Variants in AOPEP observed in about 807,000 individuals in gnomAD.
AOPEP encodes aminopeptidase O (putative).
AOPEP carries 77 observed loss-of-function variants against 98.1 expected under a neutral mutation model. The observed-to-expected ratio is 0.78, with a 90% CI of 0.65 to 0.95. The LOEUF is 0.95. AOPEP is among the 40% of genes least tolerant of loss of function. AOPEP has a pLI of 0.00. For synonymous variants in AOPEP, 346 were observed against 365.3 expected (o/e 0.95, Z 0.60); for missense variants, 1,024 against 1,024.7 (o/e 1.00, Z 0.01).
intron 5 of AOPEP, among the ~76,000 whole-genome samples, chr9:94,860,210 G>A (rs1327386553): frequency 6.6e-6 from 1 of 152,200 alleles, no homozygotes; most frequent in African/African-American, 2.4e-5. Flanking sequence ...GACAGGCTGT[G>A]ATTGGAAGCA....
At chr9:95,056,479 GGAA>G (rs1358317790) in intron 13 of AOPEP, 1 of 152,318 alleles carries the variant, frequency 6.6e-6, no homozygotes, top group Non-Finnish European at 1.5e-5. Flanking sequence ...TCATGCTAAT[GGAA>G]GAAATGGTGG....
intron 2 of AOPEP, 187 bp downstream of exon 2, chr9:94,760,767 A>T (rs1272200073): frequency 4.3e-6 from 2 of 460,768 alleles, no homozygotes; most frequent in Non-Finnish European, 7.6e-6. Flanking sequence ...CCTTAATAGG[A>T]TTAGCTCCCT....
chr9:95,035,412 G>A (rs1026384680), intron 13 of AOPEP, among the ~76,000 whole-genome samples: 12 of 151,502 alleles, frequency 7.9e-5, no homozygotes, highest in African/African-American at 2.4e-4. Context: ...CTAAGTAAAG[G>A]TATCTAAGGT....
At chr9:94,962,728 ATC>A (rs2058929131) in intron 9 of AOPEP, among the ~76,000 whole-genome samples, 1 of 131,098 alleles carries the variant, frequency 7.6e-6, no homozygotes, top group African/African-American at 3.3e-5. Context: ...CAATATTATC[ATC>A]TTTTTTTTTT....
intron 5 of AOPEP, chr9:94,904,583 C>A (rs1166986475): frequency 6.6e-6 from 1 of 152,036 alleles, no homozygotes; most frequent in Non-Finnish European, 1.5e-5. Context: ...ATATTTCATA[C>A]CTTTAAGAAT....
the AOPEP span, among the ~76,000 whole-genome samples, chr9:95,096,644 AG>A: frequency 6.6e-6 from 1 of 151,796 alleles, no homozygotes; most frequent in African/African-American, 2.4e-5. Flanking sequence ...GCCCACCAGG[AG>A]GGGGTCAGGA....
At chr9:95,039,747 C>CATTT (rs1428703127) in intron 13 of AOPEP, among the ~76,000 whole-genome samples, 1 of 151,996 alleles carries the variant, frequency 6.6e-6, no homozygotes, top group Non-Finnish European at 1.5e-5. Flanking sequence ...TTCATTCATT[C>CATTT]ATTCATTCAT....
chr9:94,974,382 C>T (rs558933484), intron 10 of AOPEP, among the ~76,000 whole-genome samples: 2 of 152,286 alleles, frequency 1.3e-5, no homozygotes, highest in South Asian at 2.1e-4. Flanking sequence ...CTCCTATGCT[C>T]CTGTGCTAAG....
At chr9:95,042,054 T>A (rs1730140149) in intron 13 of AOPEP, among the ~76,000 whole-genome samples, 1 of 152,190 alleles carries the variant, frequency 6.6e-6, no homozygotes, top group African/African-American at 2.4e-5. Context: ...GGCTCATGCC[T>A]GTAATCCCAG....
the AOPEP span, chr9:95,110,108 G>A: frequency 3.8e-3 from 1,137 of 301,570 alleles, 3 homozygotes; most frequent in Non-Finnish European, 4.0e-3. Flanking sequence ...GAGCCAATAC[G>A]TTCTCATCCA....
intron 4 of AOPEP, among the ~76,000 whole-genome samples, chr9:94,799,322 A>G (rs1209879854): frequency 2.0e-5 from 3 of 151,798 alleles, no homozygotes; most frequent in Admixed American, 1.3e-4. Context: ...TGGGAGGCTG[A>G]GGCAGGAGGA....
In AOPEP at chr9:94,801,009, T is replaced by C. The variant is rs759223698; in HGVS notation, c.1364+7T>C. The C allele has an allele frequency of 1.9e-6, 3 of 1,613,648 alleles. No homozygotes were observed. Among genetic ancestry groups the C allele is most frequent in the Non-Finnish European group, 1.7e-6 (2 of 1,179,482 alleles). On this transcript the variant is annotated splice_region_variant and intron_variant, in intron 5 of 16. Transcript: ENST00000375315. ...CAAGTCTGGGGATGGCCAGGTATGT[T>C]GTTCCATTGTGGCACTTGGGGTACA...
At chr9:94,785,182 G>A (rs1448490511) in intron 3 of AOPEP, among the ~76,000 whole-genome samples, 1 of 152,056 alleles carries the variant, frequency 6.6e-6, no homozygotes, top group Non-Finnish European at 1.5e-5. Flanking sequence ...TGATCCACCC[G>A]CCTCGGCCTC....
the AOPEP span, among the ~76,000 whole-genome samples, chr9:95,120,205 T>G: frequency 2.0e-5 from 3 of 152,198 alleles, no homozygotes; most frequent in Non-Finnish European, 4.4e-5. Context: ...TACAAGGTAA[T>G]GTTTGAGGTT....
intron 13 of AOPEP, among the ~76,000 whole-genome samples, chr9:95,017,139 A>C (rs2063072759): frequency 6.6e-6 from 1 of 152,056 alleles, no homozygotes; most frequent in Non-Finnish European, 1.5e-5. Flanking sequence ...AGCAGAATGT[A>C]CCTCTGGATC....
chr9:94,820,028 C>T (rs1852694197), intron 5 of AOPEP, among the ~76,000 whole-genome samples: 1 of 148,898 alleles, frequency 6.7e-6, no homozygotes, highest in Non-Finnish European at 1.5e-5. Flanking sequence ...TCACTGCAAC[C>T]TCTGTCTCCC....
chr9:95,111,417 C>T, the AOPEP span: 2 of 1,600,316 alleles, frequency 1.2e-6, no homozygotes, highest in Non-Finnish European at 1.7e-6. Flanking sequence ...TCCTCTCAGC[C>T]CCCCAGAGCC....
chr9:94,776,227 T>G (rs1842062115), intron 3 of AOPEP, among the ~76,000 whole-genome samples: 1 of 152,176 alleles, frequency 6.6e-6, no homozygotes, highest in Non-Finnish European at 1.5e-5. Context: ...TGTATTGTGC[T>G]TTCCCTTTTA....
At chr9:94,807,591 C>T (rs184696560) in intron 5 of AOPEP, among the ~76,000 whole-genome samples, 9 of 152,284 alleles carry the variant, frequency 5.9e-5, no homozygotes, top group East Asian at 1.9e-4. Flanking sequence ...CTTTTTCCCC[C>T]GCCTTGCCAC....
Sources: gnomAD v4.1 joint callset for allele counts (sites outside exome capture counted in the v4.1 genomes callset) on GRCh38, gnomAD v4.1.1 for gene constraint, MANE v1.5 for transcripts, NCBI Gene and HGNC (gene_info 2026-07-23, HGNC 2026-07-21) for gene names.